The following CFAP90 variants were observed in gnomAD, a reference collection of about 807,000 sequenced individuals.
CFAP90 encodes cilia and flagella associated protein 90.
the CFAP90 span, among the ~76,000 whole-genome samples, chr5:7,843,429 A>T: frequency 6.6e-6 from 1 of 152,210 alleles, no homozygotes; most frequent in Non-Finnish European, 1.5e-5. Flanking sequence ...CAAGTTTTAG[A>T]AATTCTTATA....
chr5:7,833,552 CAT>C, the CFAP90 span, among the ~76,000 whole-genome samples: 4 of 152,030 alleles, frequency 2.6e-5, no homozygotes, highest in Non-Finnish European at 4.4e-5. Context: ...CACAGGTACA[CAT>C]ATTACACATA....
chr5:7,832,639 C>A, the CFAP90 span, among the ~76,000 whole-genome samples: 1 of 152,140 alleles, frequency 6.6e-6, no homozygotes, highest in Non-Finnish European at 1.5e-5. Flanking sequence ...AAGCGTGCAC[C>A]ACCACGCTCG....
chr5:7,833,288 T>C, the CFAP90 span, among the ~76,000 whole-genome samples: 1 of 152,136 alleles, frequency 6.6e-6, no homozygotes, highest in Admixed American at 6.5e-5. Context: ...CACACACACA[T>C]GCATGTACAC....
At chr5:7,832,000 C>T in the CFAP90 span, 272 of 1,611,902 alleles carry the variant, frequency 1.7e-4, 1 homozygote, top group Non-Finnish European at 1.9e-4. Flanking sequence ...AGACAGAAGA[C>T]GTCAGCACTC....
the CFAP90 span, among the ~76,000 whole-genome samples, chr5:7,849,214 G>A: frequency 9.2e-5 from 14 of 152,316 alleles, no homozygotes; most frequent in Admixed American, 2.6e-4. Flanking sequence ...CTAGAAACAC[G>A]ATTGCTTCTG....
the CFAP90 span, among the ~76,000 whole-genome samples, chr5:7,836,324 G>A: frequency 6.6e-6 from 1 of 152,116 alleles, no homozygotes; most frequent in Non-Finnish European, 1.5e-5. Flanking sequence ...CTACATACTA[G>A]GATAATGAAA....
the CFAP90 span, among the ~76,000 whole-genome samples, chr5:7,839,959 T>G: frequency 1.3e-5 from 2 of 152,312 alleles, no homozygotes; most frequent in African/African-American, 4.8e-5. Context: ...AGGATTTTAA[T>G]TATTAATCTT....
At chr5:7,838,997 G>T in the CFAP90 span, among the ~76,000 whole-genome samples, 4 of 152,304 alleles carry the variant, frequency 2.6e-5, no homozygotes, top group East Asian at 3.9e-4. Context: ...AAAGAAAGAG[G>T]TTTAATGGAC....
At chr5:7,831,952 G>T in the CFAP90 span, 1 of 1,614,154 alleles carries the variant, frequency 6.2e-7, no homozygotes. Flanking sequence ...CAAAGTCCCG[G>T]TTTAGGGGCT....
the CFAP90 span, among the ~76,000 whole-genome samples, chr5:7,848,126 T>G: frequency 3.9e-5 from 6 of 152,152 alleles, no homozygotes; most frequent in African/African-American, 1.2e-4. Flanking sequence ...TAAAATTCAT[T>G]TAATAAATGA....
the CFAP90 span, among the ~76,000 whole-genome samples, chr5:7,835,682 C>A: frequency 6.6e-6 from 1 of 151,994 alleles, no homozygotes; most frequent in Non-Finnish European, 1.5e-5. Context: ...GAAGCCCAGG[C>A]CTCACCAGCA....
At chr5:7,846,593 C>T in the CFAP90 span, among the ~76,000 whole-genome samples, 3 of 152,180 alleles carry the variant, frequency 2.0e-5, no homozygotes, top group Admixed American at 6.5e-5. Context: ...TTCCCAAAGG[C>T]CCGCCTCCTA....
chr5:7,846,890 G>A, the CFAP90 span, among the ~76,000 whole-genome samples: 751 of 152,214 alleles, frequency 4.9e-3, 4 homozygotes, highest in Middle Eastern at 0.027. Context: ...GAGACTAGAG[G>A]TATGGCCACC....
At chr5:7,831,827 G>A in the CFAP90 span, 9 of 1,597,786 alleles carry the variant, frequency 5.6e-6, no homozygotes, top group Non-Finnish European at 6.8e-6. Context: ...TATCGGACAT[G>A]CCCTGTGGGC....
the CFAP90 span, among the ~76,000 whole-genome samples, chr5:7,835,840 T>C: frequency 6.6e-6 from 1 of 152,212 alleles, no homozygotes; most frequent in Admixed American, 6.5e-5. Context: ...AATAAAAATG[T>C]GTCCTAGTCC....
the CFAP90 span, among the ~76,000 whole-genome samples, chr5:7,833,605 A>G: frequency 2.0e-5 from 3 of 152,216 alleles, no homozygotes; most frequent in Non-Finnish European, 4.4e-5. Flanking sequence ...ACAAATATAC[A>G]TATCTGTACA....
the CFAP90 span, among the ~76,000 whole-genome samples, chr5:7,847,558 C>T: frequency 6.6e-6 from 1 of 152,032 alleles, no homozygotes; most frequent in East Asian, 1.9e-4. Flanking sequence ...GACATGCAAA[C>T]ACATAGGTGT....
At chr5:7,834,233 G>T in the CFAP90 span, among the ~76,000 whole-genome samples, 1 of 152,122 alleles carries the variant, frequency 6.6e-6, no homozygotes, top group Non-Finnish European at 1.5e-5. Flanking sequence ...TGATACTGAT[G>T]ATCCTGACCC....
chr5:7,837,196 T>C, the CFAP90 span, among the ~76,000 whole-genome samples: 1 of 152,154 alleles, frequency 6.6e-6, no homozygotes, highest in Admixed American at 6.6e-5. Flanking sequence ...ATCTGTATTA[T>C]CTCCATTTTA....
Sources: gnomAD v4.1 joint callset for allele counts (sites outside exome capture counted in the v4.1 genomes callset) on GRCh38, gnomAD v4.1.1 for gene constraint, MANE v1.5 for transcripts, NCBI Gene and HGNC (gene_info 2026-07-23, HGNC 2026-07-21) for gene names.